Variants in SLC24A2 observed in about 807,000 individuals in gnomAD.
SLC24A2 encodes the protein sodium/potassium/calcium exchanger 2.
SLC24A2 carries 36 observed loss-of-function variants against 62.0 expected under a neutral mutation model. The observed-to-expected ratio is 0.58, with a 90% CI of 0.44 to 0.77. The LOEUF (loss-of-function observed/expected upper bound fraction) is 0.77. SLC24A2 is among the 30% of genes least tolerant of loss of function. The pLI is 0.00. For synonymous variants in SLC24A2, 358 were observed against 294.0 expected (o/e 1.22, Z -2.23); for missense variants, 846 against 817.9 (o/e 1.03, Z -0.42).
At chr9:19,594,173 C>A (rs1258129680) in intron 5 of SLC24A2, among the ~76,000 whole-genome samples, 1 of 152,060 alleles carries the variant, frequency 6.6e-6, no homozygotes, top group Admixed American at 6.6e-5. Flanking sequence ...TCCCCTGTAG[C>A]CTGTCATCTT....
At chr9:19,945,162 G>A in the SLC24A2 span, among the ~76,000 whole-genome samples, 2 of 152,042 alleles carry the variant, frequency 1.3e-5, no homozygotes, top group Admixed American at 6.6e-5. Context: ...ATCCAGACTC[G>A]GCTGGGACAA....
Position 19,521,080 on chromosome 9 carries a change from T to C in SLC24A2, c.1570-20A>G. 1 of 1,612,866 alleles carries C rather than the reference T, an allele frequency of 6.2e-7. No homozygotes were observed. The highest frequency in any genetic ancestry group is 8.5e-7 in the Non-Finnish European group (1 of 1,179,006). On this transcript the variant is annotated intron_variant, in intron 9 of 10. Coordinates refer to ENST00000341998, the MANE Select transcript of SLC24A2 (RefSeq NM_020344.4). ...TCCAACCTAAATGTCAGGACAGGAA[T>C]AAACATCTCAGTGTTTGAAGTTACA...
intron 3 of SLC24A2, among the ~76,000 whole-genome samples, chr9:19,621,699 CA>C (rs1233407360): frequency 6.6e-6 from 1 of 152,094 alleles, no homozygotes; most frequent in Non-Finnish European, 1.5e-5. Flanking sequence ...AATAACTCGT[CA>C]TAACTATTAT....
intron 2 of SLC24A2, among the ~76,000 whole-genome samples, chr9:19,774,993 C>T (rs771035116): frequency 1.3e-5 from 2 of 152,178 alleles, no homozygotes; most frequent in Non-Finnish European, 2.9e-5. Flanking sequence ...CTTTCATTTT[C>T]AAAGAGAAGA....
In SLC24A2 at chr9:19,586,584, C is replaced by A. The variant is rs557818487; in HGVS notation, c.1130-9562G>T. On this transcript the variant is annotated intron_variant, in intron 5 of 10. Coordinates refer to ENST00000341998, the MANE Select transcript of SLC24A2 (RefSeq NM_020344.4). ...TTTATAATTAATGTTTATTTTAATA[C>A]CCCCTCCCTTTTTTTATAAAAAGAT... Among the ~76,000 whole-genome samples, 29 of 151,980 alleles carry A rather than the reference C, an allele frequency of 1.9e-4. No homozygotes were observed. In the East Asian group the frequency reaches 5.4e-3, roughly 28 times the overall value.
At chr9:20,027,500 C>T in the SLC24A2 span, among the ~76,000 whole-genome samples, 1 of 152,006 alleles carries the variant, frequency 6.6e-6, no homozygotes, top group Non-Finnish European at 1.5e-5. Flanking sequence ...CTGTTTGTGA[C>T]AATATTGATG....
At chr9:20,041,181 G>A in the SLC24A2 span, among the ~76,000 whole-genome samples, 1 of 146,078 alleles carries the variant, frequency 6.8e-6, no homozygotes, top group Non-Finnish European at 1.5e-5. Context: ...TGTGCGCGCA[G>A]AAGCATGCAT....
At chr9:19,654,033 T>C (rs957777485) in intron 2 of SLC24A2, among the ~76,000 whole-genome samples, 6 of 152,198 alleles carry the variant, frequency 3.9e-5, no homozygotes, top group Non-Finnish European at 8.8e-5. Flanking sequence ...GCACTCACGA[T>C]ACAGAACATT....
At chr9:20,297,961 C>A in the SLC24A2 span, among the ~76,000 whole-genome samples, 2 of 152,146 alleles carry the variant, frequency 1.3e-5, no homozygotes, top group Admixed American at 6.5e-5. Flanking sequence ...CTGATTTTAA[C>A]CCTCCTTGGC....
chr9:19,724,832 G>A (rs779242795), intron 2 of SLC24A2, among the ~76,000 whole-genome samples: 5 of 152,098 alleles, frequency 3.3e-5, no homozygotes, highest in Admixed American at 6.6e-5. Flanking sequence ...CCAATAAGGC[G>A]TATTTCAAAC....
the SLC24A2 span, among the ~76,000 whole-genome samples, chr9:19,958,321 G>A: frequency 6.6e-6 from 1 of 152,180 alleles, no homozygotes; most frequent in African/African-American, 2.4e-5. Context: ...TGACAATTAT[G>A]CTGACAGATA....
chr9:20,181,119 G>T, the SLC24A2 span, among the ~76,000 whole-genome samples: 15 of 152,160 alleles, frequency 9.9e-5, no homozygotes, highest in South Asian at 2.9e-3. Context: ...TTGGAGCCCA[G>T]ATTGTTAGGG....
At chr9:20,024,468 T>C in the SLC24A2 span, among the ~76,000 whole-genome samples, 2 of 152,242 alleles carry the variant, frequency 1.3e-5, no homozygotes, top group Admixed American at 6.5e-5. Context: ...AGTAGGTTAC[T>C]ACCGAATTTT....
At chr9:19,610,544 C>G (rs1837127061) in intron 4 of SLC24A2, among the ~76,000 whole-genome samples, 1 of 152,158 alleles carries the variant, frequency 6.6e-6, no homozygotes, top group Non-Finnish European at 1.5e-5. Context: ...GATGGAAGAA[C>G]TCATCAGGAA....
intron 2 of SLC24A2, among the ~76,000 whole-genome samples, chr9:19,743,348 CTTT>C (rs1821736948): frequency 6.6e-6 from 1 of 152,112 alleles, no homozygotes; most frequent in South Asian, 2.1e-4. Flanking sequence ...TAATTAGCTG[CTTT>C]TTAAGGAAAC....
intron 4 of SLC24A2, among the ~76,000 whole-genome samples, chr9:19,604,421 G>A (rs1276122133): frequency 6.6e-6 from 1 of 152,186 alleles, no homozygotes; most frequent in African/African-American, 2.4e-5. Context: ...CAGAATAGAT[G>A]CTGCATGCTG....
chr9:20,116,645 A>T, the SLC24A2 span, among the ~76,000 whole-genome samples: 978 of 152,264 alleles, frequency 6.4e-3, 5 homozygotes, highest in African/African-American at 0.021. Context: ...CATGTCTAGG[A>T]TGTATTAATA....
intron 7 of SLC24A2, among the ~76,000 whole-genome samples, chr9:19,567,612 A>T (rs1458538033): frequency 1.3e-5 from 2 of 151,708 alleles, no homozygotes; most frequent in Non-Finnish European, 2.9e-5. Flanking sequence ...TTAACACAGC[A>T]ACTACAAACG....
intron 2 of SLC24A2, among the ~76,000 whole-genome samples, chr9:19,785,654 C>A (rs1823142008): frequency 1.3e-5 from 2 of 152,138 alleles, no homozygotes; most frequent in South Asian, 2.1e-4. Context: ...AAATAAGAGA[C>A]AAATAACTGC....
Sources: gnomAD v4.1 joint callset for allele counts (sites outside exome capture counted in the v4.1 genomes callset) on GRCh38, gnomAD v4.1.1 for gene constraint, MANE v1.5 for transcripts, NCBI Gene and HGNC (gene_info 2026-07-23, HGNC 2026-07-21) for gene names.